ADCY1: variants seen among roughly 807,000 people sequenced by gnomAD.
The protein encoded by ADCY1 is adenylate cyclase type 1.
In ADCY1, 28 loss-of-function variants were observed where a neutral mutation model predicts 105.4. That is an observed-to-expected ratio of 0.27 (90% CI 0.20 to 0.36). The LOEUF is 0.36. Among genes scored for constraint, ADCY1 ranks in the 10% least tolerant of loss-of-function variants. The pLI, the probability that ADCY1 is intolerant of heterozygous loss-of-function variation, is 1.00. For synonymous variants in ADCY1, 655 were observed against 623.8 expected (o/e 1.05, Z -0.75); for missense variants, 977 against 1,434.2 (o/e 0.68, Z 5.15).
rs1481178944 is a variant in ADCY1 at position 45,710,536 on chromosome 7, G to A, written c.2941G>A (p.Val981Ile). 1 of 1,613,826 alleles carries A rather than the reference G, an allele frequency of 6.2e-7. No homozygotes were observed. The highest frequency in any genetic ancestry group is 1.3e-5 in the African/African-American group (1 of 74,916). Residue 981 changes from valine (V) to isoleucine (I), a missense_variant, in exon 19 of 20, where the codon GTT (valine) becomes ATT (isoleucine). Coordinates refer to ENST00000297323, the MANE Select transcript of ADCY1 (RefSeq NM_021116.4). This position sits in a 1 kb window ranked among gnomAD's most constrained non-coding sequence, Gnocchi z 4.7. ...CGCTGGCTGTTTTCTAGGCATCAATGTTGGCCCTGTGGTGGCTGGAGTGAT... is the reference window on the plus strand; with the variant it reads ...CGCTGGCTGTTTTCTAGGCATCAATATTGGCCCTGTGGTGGCTGGAGTGAT... ...NDFVLRVGINVGPVVAGVIGA... is the reference protein window; with the variant it reads ...NDFVLRVGINIGPVVAGVIGA...
At chr7:45,602,954 T>C (rs1021298548) in intron 2 of ADCY1, among the ~76,000 whole-genome samples, 24 of 152,200 alleles carry the variant, frequency 1.6e-4, no homozygotes, top group Admixed American at 1.5e-3. Flanking sequence ...TCACTCTCCA[T>C]GTATACCCAC....
At chr7:45,649,096 C>G (rs913192207) in intron 5 of ADCY1, among the ~76,000 whole-genome samples, 1 of 152,194 alleles carries the variant, frequency 6.6e-6, no homozygotes, top group Admixed American at 6.5e-5. Context: ...ATAAATTAGT[C>G]TTTAGCTTAG....
chr7:45,597,868 G>T (rs759259573), intron 2 of ADCY1, among the ~76,000 whole-genome samples: 1 of 152,210 alleles, frequency 6.6e-6, no homozygotes, highest in Non-Finnish European at 1.5e-5. Context: ...AAAGTTCTCT[G>T]CTGTACTTAG....
rs544842997 is a variant in ADCY1 at position 45,610,381 on chromosome 7, G to A, written c.792G>A (p.Glu264=). ...LRLEDENEKQ[E]RLLMSLLPRN... ...CCGGGCCCTTCTCTTCTGTCCAGGAGCGGCTCCTCATGAGCCTCCTGCCCC... is the reference window on the plus strand; with the variant it reads ...CCGGGCCCTTCTCTTCTGTCCAGGAACGGCTCCTCATGAGCCTCCTGCCCC... Residue 264 remains glutamate (E), a splice_region_variant and synonymous_variant, in exon 3 of 20, where the codon GAG becomes GAA. Transcript: ENST00000297323. 4 of 1,613,632 alleles carry A rather than the reference G, an allele frequency of 2.5e-6. No homozygotes were observed. The highest frequency in any genetic ancestry group is 3.4e-6 in the Non-Finnish European group (4 of 1,179,830).
chr7:45,592,118 G>C (rs1792935571), intron 1 of ADCY1, among the ~76,000 whole-genome samples: 1 of 151,788 alleles, frequency 6.6e-6, no homozygotes, highest in Non-Finnish European at 1.5e-5. Context: ...AGGCTTTGTG[G>C]GAACAGCCAC....
At chr7:45,618,000 T>C (rs1301975442) in intron 3 of ADCY1, among the ~76,000 whole-genome samples, 1 of 152,194 alleles carries the variant, frequency 6.6e-6, no homozygotes, top group African/African-American at 2.4e-5. Flanking sequence ...CTATATTAAC[T>C]AAAACAGCAT....
chr7:45,639,901 G>A (rs1794492616), intron 4 of ADCY1, among the ~76,000 whole-genome samples: 1 of 152,202 alleles, frequency 6.6e-6, no homozygotes, highest in Non-Finnish European at 1.5e-5. Context: ...GATGGCCTCT[G>A]AAAGTCTGTG....
rs574566092 is a variant in ADCY1 at position 45,626,763 on chromosome 7, C to T, written c.1020+4020C>T. On this transcript the variant is annotated intron_variant, in intron 4 of 19. Coordinates refer to ENST00000297323, the MANE Select transcript of ADCY1 (RefSeq NM_021116.4). The stretch of plus-strand genomic sequence containing the variant: ...AATGGGATCCATTTGGGCATGAAGC[C>T]CTTGACCACATGGGAGCAGAGGGGA... Among the ~76,000 whole-genome samples, 3 of 152,270 alleles carry T rather than the reference C, an allele frequency of 2.0e-5. No individual in the cohort carries two copies. The East Asian group carries it at 5.8e-4, about 29-fold the overall frequency.
chr7:45,697,501 C>T (rs927283354), intron 14 of ADCY1, among the ~76,000 whole-genome samples: 3 of 151,624 alleles, frequency 2.0e-5, no homozygotes, highest in Non-Finnish European at 4.4e-5. Context: ...AGTGATTCTC[C>T]TGCCTCAGCC....
intron 4 of ADCY1, among the ~76,000 whole-genome samples, chr7:45,638,936 T>C (rs900670983): frequency 3.9e-5 from 6 of 152,154 alleles, no homozygotes; most frequent in African/African-American, 1.4e-4. Context: ...CAAGGGCCTG[T>C]TTCTGAGTCT....
chr7:45,669,071 CA>C (rs889599596), intron 8 of ADCY1, among the ~76,000 whole-genome samples: 1 of 151,942 alleles, frequency 6.6e-6, no homozygotes, highest in Non-Finnish European at 1.5e-5. Flanking sequence ...TTGATCTTTT[CA>C]AAAAAACAGC....
chr7:45,664,258 G>A (rs1795207369), intron 8 of ADCY1: 3 of 1,531,308 alleles, frequency 2.0e-6, no homozygotes, highest in Non-Finnish European at 2.6e-6. Flanking sequence ...AAGCTGTGTC[G>A]GACCCCACAC....
chr7:45,621,731 G>A (rs764431586), intron 3 of ADCY1, among the ~76,000 whole-genome samples: 10 of 152,116 alleles, frequency 6.6e-5, no homozygotes, highest in Non-Finnish European at 1.5e-4. Context: ...TTTACTTTGC[G>A]TTTATTTCCT....
At chr7:45,666,059 G>A (rs1784246771) in intron 8 of ADCY1, among the ~76,000 whole-genome samples, 1 of 152,162 alleles carries the variant, frequency 6.6e-6, no homozygotes. Flanking sequence ...TTGGTTTCCT[G>A]AATGGAGTCA....
At position 45,667,469 on chromosome 7, in the gene ADCY1, T is replaced by G. The variant is rs1288998078; in HGVS notation, c.1605+5255T>G. ...TGTGGCATTATTTCTGAGGGCTCTGTTGTGTTCCATTGGTCTATAACTCTG... is the reference window on the plus strand; with the variant it reads ...TGTGGCATTATTTCTGAGGGCTCTGGTGTGTTCCATTGGTCTATAACTCTG... On this transcript the variant is annotated intron_variant, in intron 8 of 19. Coordinates refer to ENST00000297323, the MANE Select transcript of ADCY1 (RefSeq NM_021116.4). 2.0e-4 allele frequency among the ~76,000 whole-genome samples: 31 copies of G among 152,212 alleles called. 1 individual carries two copies. The highest frequency in any genetic ancestry group is 2.0e-3 in the Admixed American group (31 of 15,286).
intron 14 of ADCY1, among the ~76,000 whole-genome samples, chr7:45,698,078 G>A (rs1273666295): frequency 6.6e-6 from 1 of 152,020 alleles, no homozygotes; most frequent in Non-Finnish European, 1.5e-5. Context: ...TTATTTCTTG[G>A]AAAGAGAAAT....
chr7:45,576,602 G>A (rs1219431463), intron 1 of ADCY1, among the ~76,000 whole-genome samples: 1 of 152,154 alleles, frequency 6.6e-6, no homozygotes, highest in East Asian at 1.9e-4. Context: ...TCATGTCCTG[G>A]AGGGGAAGGA....
chr7:45,677,759 C>T lies in ADCY1; in HGVS notation c.1606-110C>T, dbSNP rs1275097491. 29 of 1,236,926 alleles carry T rather than the reference C, an allele frequency of 2.3e-5. No individual in the cohort carries two copies. In the East Asian group the frequency reaches 6.5e-4, roughly 28 times the overall value. 76.6% of individuals were successfully genotyped at this position (1,236,926 alleles called of 1,614,324 possible). ...GTCATGATTATTAAATGTCAGATTCCCAAACCCGACCCCACCCTGCAGCGG... is the reference window on the plus strand; with the variant it reads ...GTCATGATTATTAAATGTCAGATTCTCAAACCCGACCCCACCCTGCAGCGG... On this transcript the variant is annotated intron_variant, in intron 8 of 19. Transcript: ENST00000297323.
At chr7:45,693,100 C>T (rs369729655) in intron 14 of ADCY1, among the ~76,000 whole-genome samples, 1 of 152,194 alleles carries the variant, frequency 6.6e-6, no homozygotes, top group African/African-American at 2.4e-5. Context: ...ACATTCCTTT[C>T]GAAAAGCGAT....
Sources: allele counts gnomAD v4.1 joint callset (sites outside exome capture counted in the v4.1 genomes callset), GRCh38; gene constraint gnomAD v4.1.1; non-coding constraint Gnocchi (gnomAD v3.1); transcripts MANE v1.5; gene names NCBI Gene and HGNC (gene_info 2026-07-23, HGNC 2026-07-21).